ACTL8: variants seen among roughly 807,000 people sequenced by gnomAD.
The protein encoded by ACTL8 is actin-like protein 8.
In ACTL8, 3 loss-of-function variants were observed where a neutral mutation model predicts 9.3. The ratio of observed to expected loss-of-function variants is 0.32; its 90% CI spans 0.15 to 0.83. The LOEUF is 0.83. ACTL8 is among the 40% of genes least tolerant of loss of function. ACTL8 has a pLI of 0.57. For synonymous variants in ACTL8, 224 were observed against 205.9 expected (o/e 1.09, Z -0.75); for missense variants, 381 against 492.2 (o/e 0.77, Z 2.14).
chr1:17,785,721 T>C (rs2066192603), intron 1 of ACTL8, among the ~76,000 whole-genome samples: 1 of 152,242 alleles, frequency 6.6e-6, no homozygotes, highest in Non-Finnish European at 1.5e-5. Flanking sequence ...AGTATCTTTT[T>C]TTCACTCCAC....
chr1:17,788,284 C>A (rs758132122), intron 1 of ACTL8, among the ~76,000 whole-genome samples: 77 of 152,284 alleles, frequency 5.1e-4, no homozygotes, highest in Non-Finnish European at 6.2e-4. Context: ...TCTCTGGGTC[C>A]CCAAGGTTGG....
At chr1:17,822,294 C>A (rs1214890827) in intron 1 of ACTL8, among the ~76,000 whole-genome samples, 2 of 152,152 alleles carry the variant, frequency 1.3e-5, no homozygotes, top group African/African-American at 4.8e-5. Flanking sequence ...GTGGACGTCA[C>A]CTGCCTTATA....
intron 1 of ACTL8, among the ~76,000 whole-genome samples, chr1:17,775,152 A>T (rs1190174433): frequency 6.6e-6 from 1 of 152,122 alleles, no homozygotes; most frequent in South Asian, 2.1e-4. Context: ...ATGCTCTCTA[A>T]ATACAGGTGG....
intron 1 of ACTL8, among the ~76,000 whole-genome samples, chr1:17,802,999 TAAC>T (rs1265220940): frequency 6.6e-6 from 1 of 152,048 alleles, no homozygotes; most frequent in Non-Finnish European, 1.5e-5. Context: ...AAAAATAAAA[TAAC>T]AAACAGTGAT....
rs936186112 is a variant in ACTL8 at position 17,755,351 on chromosome 1, C to G, written c.-178C>G. On this transcript the variant is annotated 5_prime_UTR_variant, in exon 1 of 3. Coordinates refer to ENST00000375406, the MANE Select transcript of ACTL8 (RefSeq NM_030812.3). ...CGTGCTCACAGAGTAGGCTGCGGCA[C>G]CACGTGCAGCCGCTCTCGTGCAGGC... The G allele has an allele frequency of 6.6e-6, 1 of 152,236 alleles. No individual in the cohort carries two copies. Among genetic ancestry groups the G allele is most frequent in the Non-Finnish European group, 1.5e-5 (1 of 68,050 alleles). The allele number at this position is 152,236 out of a possible 1,614,324, so 9.4% of individuals were successfully genotyped here.
At chr1:17,790,601 G>A (rs1005284538) in intron 1 of ACTL8, among the ~76,000 whole-genome samples, 6 of 152,204 alleles carry the variant, frequency 3.9e-5, no homozygotes, top group Admixed American at 6.5e-5. Context: ...ACCCATGGGC[G>A]GGCCCAGAAA....
At chr1:17,805,437 G>T (rs2066353657) in intron 1 of ACTL8, among the ~76,000 whole-genome samples, 1 of 139,424 alleles carries the variant, frequency 7.2e-6, no homozygotes, top group African/African-American at 2.7e-5. Context: ...CCAGGCTGGA[G>T]TGCAGTGGCG....
intron 1 of ACTL8, among the ~76,000 whole-genome samples, chr1:17,792,065 G>A (rs2102688241): frequency 6.6e-6 from 1 of 152,106 alleles, no homozygotes; most frequent in Non-Finnish European, 1.5e-5. Context: ...AACCCCAATG[G>A]GCCCCTCTCA....
chr1:17,796,862 A>G (rs1360081283), intron 1 of ACTL8, among the ~76,000 whole-genome samples: 1 of 152,170 alleles, frequency 6.6e-6, no homozygotes, highest in Non-Finnish European at 1.5e-5. Context: ...TAAGCTGGGA[A>G]TTTCTAGAAT....
intron 1 of ACTL8, among the ~76,000 whole-genome samples, chr1:17,786,499 C>G (rs968899274): frequency 2.0e-5 from 3 of 152,212 alleles, no homozygotes; most frequent in Admixed American, 6.5e-5. Context: ...GTGAAGGGTG[C>G]CAGATAAATA....
At chr1:17,813,794 T>C (rs2066408150) in intron 1 of ACTL8, among the ~76,000 whole-genome samples, 1 of 152,250 alleles carries the variant, frequency 6.6e-6, no homozygotes, top group African/African-American at 2.4e-5. Context: ...CTATTTCTAA[T>C]AGTTATATGG....
rs886086620 is a variant in ACTL8, at chr1:17,767,031, A to G, written c.-25+11527A>G. Among the ~76,000 whole-genome samples the G allele has an allele frequency of 1.3e-5, 2 of 152,188 alleles. No homozygotes were observed. Among genetic ancestry groups the G allele is most frequent in the African/African-American group, 4.8e-5 (2 of 41,454 alleles). On this transcript the variant is annotated intron_variant, in intron 1 of 2. Transcript: ENST00000375406. This position sits in a 1 kb window ranked among gnomAD's most constrained non-coding sequence, Gnocchi z 4.7. ...AATGTGGTTTCAGGTTGGGAGAACT[A>G]TGGAGAACAATGAATGGAACGGGAA...
At chr1:17,792,527 G>A (rs2102688449) in intron 1 of ACTL8, among the ~76,000 whole-genome samples, 1 of 152,292 alleles carries the variant, frequency 6.6e-6, no homozygotes. Context: ...CAACATTCAT[G>A]TTCTGCTGTC....
intron 1 of ACTL8, among the ~76,000 whole-genome samples, chr1:17,770,966 T>C (rs905316351): frequency 6.6e-6 from 1 of 152,292 alleles, no homozygotes. Flanking sequence ...TTACTTAACA[T>C]CTCTGAGCTT....
At chr1:17,821,437 G>A (rs964287175) in intron 1 of ACTL8, among the ~76,000 whole-genome samples, 9 of 152,172 alleles carry the variant, frequency 5.9e-5, no homozygotes, top group Non-Finnish European at 1.3e-4. Flanking sequence ...TTAATTTTTT[G>A]TAAGGTGTGA....
chr1:17,800,556 G>T (rs1425301571), intron 1 of ACTL8, among the ~76,000 whole-genome samples: 1 of 148,676 alleles, frequency 6.7e-6, no homozygotes, highest in Non-Finnish European at 1.5e-5. Flanking sequence ...GTTGCTCAGT[G>T]GCAAACTTCC....
intron 1 of ACTL8, among the ~76,000 whole-genome samples, chr1:17,774,313 T>C (rs767864387): frequency 6.6e-6 from 1 of 151,122 alleles, no homozygotes; most frequent in Non-Finnish European, 1.5e-5. Context: ...TTGCCCACGC[T>C]GGGGGGTGGG....
chr1:17,787,111 C>T (rs1445690782), intron 1 of ACTL8, among the ~76,000 whole-genome samples: 2 of 152,162 alleles, frequency 1.3e-5, no homozygotes, highest in African/African-American at 4.8e-5. Context: ...CCCCTCACTC[C>T]CACCCTGGAA....
intron 1 of ACTL8, among the ~76,000 whole-genome samples, chr1:17,806,101 T>C (rs894486118): frequency 6.6e-6 from 1 of 152,230 alleles, no homozygotes; most frequent in African/African-American, 2.4e-5. Flanking sequence ...TAGCCCTGTT[T>C]ACACAGCCGG....
Sources: allele counts gnomAD v4.1 joint callset (sites outside exome capture counted in the v4.1 genomes callset), GRCh38; gene constraint gnomAD v4.1.1; non-coding constraint Gnocchi (gnomAD v3.1); transcripts MANE v1.5; gene names NCBI Gene and HGNC (gene_info 2026-07-23, HGNC 2026-07-21).